The following DISP1 variants were observed in gnomAD, a reference collection of about 807,000 sequenced individuals.
The protein encoded by DISP1 is protein dispatched homolog 1.
A neutral mutation model predicts 37.3 loss-of-function variants in DISP1; 30 were observed. That is an observed-to-expected ratio of 0.80 (90% CI 0.60 to 1.09). The LOEUF is 1.09. Among genes scored for constraint, DISP1 ranks in the 50% least tolerant of loss-of-function variants. The pLI, the probability that DISP1 is intolerant of heterozygous loss-of-function variation, is 0.00. For missense variants in DISP1, 1,598 were observed against 1,879.5 expected, an observed-to-expected ratio of 0.85 and a Z score of 2.77; for synonymous variants, 634 against 690.2, an observed-to-expected ratio of 0.92 and a Z score of 1.28.
At chr1:222,942,593 G>A (rs1390566227) in intron 2 of DISP1, among the ~76,000 whole-genome samples, 1 of 152,020 alleles carries the variant, frequency 6.6e-6, no homozygotes, top group Non-Finnish European at 1.5e-5. Flanking sequence ...GAATAGAAGA[G>A]GGTTTTTAAG....
At chr1:222,993,549 A>C (rs564343333) in intron 7 of DISP1, among the ~76,000 whole-genome samples, 10 of 152,186 alleles carry the variant, frequency 6.6e-5, no homozygotes, top group African/African-American at 2.4e-4. Flanking sequence ...TTGATCACTT[A>C]CTCTGTATAG....
In DISP1 at chr1:222,882,487, TTCTTC is replaced by T. The variant is rs1178755644; in HGVS notation, c.-158-45934_-158-45930del. ...GAGAAGGAAATTAAAGTTTGGTGGG[TTCTTC>T]TCTTCTCTGCGTTAGATTTAAAAGT... On this transcript the variant is annotated intron_variant, in intron 1 of 8. Coordinates refer to ENST00000675850, the MANE Select transcript of DISP1 (RefSeq NM_001377229.1). 8.5e-5 allele frequency among the ~76,000 whole-genome samples: 13 copies of T among 152,272 alleles called. No individual in the cohort carries two copies. In the South Asian group the frequency reaches 1.0e-3, roughly 12 times the overall value.
At chr1:222,969,998 T>G (rs1465549122) in intron 3 of DISP1, among the ~76,000 whole-genome samples, 1 of 152,168 alleles carries the variant, frequency 6.6e-6, no homozygotes, top group East Asian at 1.9e-4. Context: ...AGGAAAATTT[T>G]TAGAATGAAA....
intron 1 of DISP1, among the ~76,000 whole-genome samples, chr1:222,867,789 T>C (rs1000336210): frequency 3.3e-5 from 5 of 152,178 alleles, no homozygotes; most frequent in African/African-American, 1.2e-4. Context: ...TATGTCAATG[T>C]CTTGGTATAG....
intron 2 of DISP1, among the ~76,000 whole-genome samples, chr1:222,936,313 G>A (rs982495955): frequency 6.6e-6 from 1 of 152,038 alleles, no homozygotes. Context: ...GTCCTTAGGT[G>A]ATATGTGATT....
intron 3 of DISP1, among the ~76,000 whole-genome samples, chr1:222,961,022 C>A (rs1306177402): frequency 1.3e-5 from 2 of 152,074 alleles, no homozygotes; most frequent in Non-Finnish European, 2.9e-5. Context: ...GATTCACAGC[C>A]GAATTTTACC....
intron 4 of DISP1, among the ~76,000 whole-genome samples, chr1:222,988,652 A>C (rs1398081648): frequency 3.7e-4 from 29 of 78,788 alleles, no homozygotes; most frequent in African/African-American, 1.3e-3. Flanking sequence ...TTATAGCTTT[A>C]TTTCTTTCTC....
At chr1:222,841,455 C>T (rs182219283) in intron 1 of DISP1, among the ~76,000 whole-genome samples, 14 of 152,204 alleles carry the variant, frequency 9.2e-5, no homozygotes, top group African/African-American at 2.9e-4. Flanking sequence ...CAAGGTTATC[C>T]TGCTAGTAAG....
At chr1:222,985,664 A>G (rs949739021) in intron 4 of DISP1, among the ~76,000 whole-genome samples, 1 of 152,140 alleles carries the variant, frequency 6.6e-6, no homozygotes, top group Non-Finnish European at 1.5e-5. Context: ...TGGGGGAAAG[A>G]AAAAAACAAA....
At chr1:222,908,785 A>C (rs1387862507) in intron 1 of DISP1, among the ~76,000 whole-genome samples, 1 of 152,096 alleles carries the variant, frequency 6.6e-6, no homozygotes, top group Non-Finnish European at 1.5e-5. Flanking sequence ...AAATAAGCAG[A>C]AGCCTTTTCC....
At chr1:222,896,355 C>T (rs1263924329) in intron 1 of DISP1, among the ~76,000 whole-genome samples, 1 of 151,808 alleles carries the variant, frequency 6.6e-6, no homozygotes, top group East Asian at 1.9e-4. Flanking sequence ...AATCCCAGCA[C>T]TTTGGGAGGC....
intron 1 of DISP1, among the ~76,000 whole-genome samples, chr1:222,922,385 A>G (rs1672848321): frequency 1.3e-5 from 2 of 152,168 alleles, no homozygotes; most frequent in African/African-American, 4.8e-5. Flanking sequence ...TTCAAGGGAA[A>G]GTTAATCTAA....
intron 1 of DISP1, among the ~76,000 whole-genome samples, chr1:222,850,525 A>G (rs1246508543): frequency 6.6e-6 from 1 of 151,604 alleles, no homozygotes; most frequent in Non-Finnish European, 1.5e-5. Flanking sequence ...TTTTGTACAT[A>G]TTATTTCATC....
intron 2 of DISP1, among the ~76,000 whole-genome samples, chr1:222,937,024 ATTAC>A (rs1673968588): frequency 9.0e-6 from 1 of 110,916 alleles, no homozygotes; most frequent in Non-Finnish European, 1.8e-5. Flanking sequence ...TATATTATAT[ATTAC>A]ATATTATATA....
chr1:222,987,200 C>A (rs1381780702), intron 4 of DISP1, among the ~76,000 whole-genome samples: 2 of 152,134 alleles, frequency 1.3e-5, no homozygotes, highest in African/African-American at 4.8e-5. Flanking sequence ...ATTGCGCAGG[C>A]AACTCTGTTT....
chr1:222,999,302 A>G (rs1004347848), intron 8 of DISP1, among the ~76,000 whole-genome samples: 4 of 152,164 alleles, frequency 2.6e-5, no homozygotes, highest in Admixed American at 2.6e-4. Context: ...AGTTGCTTCC[A>G]CTAACTCCAT....
chr1:222,991,883 T>G (rs1206165912), intron 6 of DISP1, 130 bp from the exon 7 acceptor site: 4 of 867,234 alleles, frequency 4.6e-6, no homozygotes, highest in Non-Finnish European at 7.5e-6. Flanking sequence ...TGGTTGCTTC[T>G]TCTAATCCTT....
intron 1 of DISP1, among the ~76,000 whole-genome samples, chr1:222,841,261 AT>A (rs1334132389): frequency 6.6e-6 from 1 of 151,990 alleles, no homozygotes; most frequent in East Asian, 1.9e-4. Flanking sequence ...AAGTAGTTTT[AT>A]TTTTTAGTAG....
intron 1 of DISP1, among the ~76,000 whole-genome samples, chr1:222,868,452 A>G (rs906158161): frequency 1.3e-5 from 2 of 152,150 alleles, no homozygotes; most frequent in African/African-American, 2.4e-5. Flanking sequence ...AACATTCATT[A>G]TATCATGAAG....
Sources: allele counts gnomAD v4.1 joint callset (sites outside exome capture counted in the v4.1 genomes callset), GRCh38; gene constraint gnomAD v4.1.1; transcripts MANE v1.5; gene names NCBI Gene and HGNC (gene_info 2026-07-23, HGNC 2026-07-21).